The following IL36G variants were observed in gnomAD, a reference collection of about 807,000 sequenced individuals.
The protein encoded by IL36G is interleukin-36 gamma.
In IL36G, 10 loss-of-function variants were observed where a neutral mutation model predicts 13.5. The observed-to-expected ratio is 0.74, with a 90% CI of 0.46 to 1.26. The LOEUF is 1.26. Among genes scored for constraint, IL36G ranks in the 50% most tolerant of loss-of-function variants. IL36G has a pLI of 0.00. For synonymous variants in IL36G, 84 were observed against 74.0 expected, an observed-to-expected ratio of 1.13 and a Z score of -0.69; for missense variants, 199 against 203.0, an observed-to-expected ratio of 0.98 and a Z score of 0.12.
At chr2:112,983,051 G>A (rs369450035) in intron 4 of IL36G, among the ~76,000 whole-genome samples, 10 of 152,296 alleles carry the variant, frequency 6.6e-5, no homozygotes, top group African/African-American at 2.4e-4. Context: ...CAGGGAGAAC[G>A]GCTAGAGGGA....
intron 4 of IL36G, among the ~76,000 whole-genome samples, chr2:112,983,214 A>C (rs925790296): frequency 1.3e-5 from 2 of 152,060 alleles, no homozygotes; most frequent in Non-Finnish European, 2.9e-5. Context: ...GTGGGTAGGA[A>C]GTTGAAGGTG....
At chr2:112,979,920 GA>G (rs1186789508) in intron 3 of IL36G, 88 bp from the exon 4 acceptor site, 1 of 1,324,824 alleles carries the variant, frequency 7.5e-7, no homozygotes, top group Non-Finnish European at 1.1e-6. Context: ...CTCTCTTCCA[GA>G]TCCACTTGAG....
intron 1 of IL36G, among the ~76,000 whole-genome samples, chr2:112,978,283 T>C (rs556436053): frequency 2.8e-4 from 43 of 152,218 alleles, no homozygotes; most frequent in Middle Eastern, 3.4e-3. Flanking sequence ...GCAAAAACAA[T>C]GCCGATGAAG....
At chr2:112,981,496 T>C (rs903441822) in intron 4 of IL36G, 6 of 571,956 alleles carry the variant, frequency 1.0e-5, no homozygotes, top group South Asian at 4.0e-5. Flanking sequence ...GTGCGGGTTT[T>C]GGTCAGTCTG....
rs747928398 is a variant in IL36G at position 112,984,850 on chromosome 2, T to C, written c.311T>C (p.Ile104Thr). ...GTTCTGACATTTCAGGAGCAGAAGA[T>C]CATGGATCTGTATGGCCAACCCGAG... is the stretch of plus-strand genomic sequence containing the variant. The part of the protein sequence containing the change: ...QPTLQLKEQK[I>T]MDLYGQPEPV... The change falls in exon 5 of 5, where the codon ATC (isoleucine) becomes ACC (threonine). Residue 104 changes from isoleucine to threonine, a missense_variant. Transcript: ENST00000259205. 1.2e-6 allele frequency: 2 copies of C among 1,614,086 alleles called. No individual in the cohort carries two copies. Among genetic ancestry groups the C allele is most frequent in the Admixed American group, 3.3e-5 (2 of 60,002 alleles).
At chr2:112,979,909 G>A in intron 3 of IL36G, 100 bp from the exon 4 acceptor site, 2 of 1,180,322 alleles carry the variant, frequency 1.7e-6, no homozygotes, top group Non-Finnish European at 2.4e-6. Flanking sequence ...ACACTCTTCA[G>A]CTCTCTTCCA....
At position 112,985,388 on chromosome 2, in the gene IL36G, C is replaced by T. The variant is rs887521296; in HGVS notation, c.*339C>T. 1.8e-5 allele frequency: 5 copies of T among 272,486 alleles called. No homozygotes were observed. Among genetic ancestry groups the T allele is most frequent in the African/African-American group, 4.3e-5 (2 of 46,016 alleles). The allele number at this position is 272,486 out of a possible 1,614,324, so 16.9% of individuals were successfully genotyped here. On this transcript the variant is annotated 3_prime_UTR_variant, in exon 5 of 5. Transcript: ENST00000259205. ...GTATGAAGATGCTTCAGAGCTCATG[C>T]GCGTTACCCACGATGGCATGACTAG...
In IL36G at chr2:112,984,906, A is replaced by G; in HGVS notation, c.367A>G (p.Lys123Glu). The change falls in exon 5 of 5, where the codon AAG becomes GAG. Residue 123 changes from lysine to glutamate, a missense_variant. By Grantham distance (56) the Lys-to-Glu change is moderately conservative. Coordinates refer to ENST00000259205, the MANE Select transcript of IL36G (RefSeq NM_019618.4). ...GAAACCCTTCCTTTTCTACCGTGCC[A>G]AGACTGGTAGGACCTCCACCCTTGA... ...PVKPFLFYRA[K>E]TGRTSTLESV... The G allele has an allele frequency of 6.2e-7, 1 of 1,614,102 alleles. No individual in the cohort carries two copies. The highest frequency in any genetic ancestry group is 8.5e-7 in the Non-Finnish European group (1 of 1,180,004).
At chr2:112,982,848 G>T (rs953631964) in intron 4 of IL36G, among the ~76,000 whole-genome samples, 1 of 152,186 alleles carries the variant, frequency 6.6e-6, no homozygotes, top group Non-Finnish European at 1.5e-5. Context: ...TAAGTTTAAA[G>T]GGAGGAATTA....
chr2:112,985,307 T>C lies in IL36G; in HGVS notation c.*258T>C, dbSNP rs1446442018. On this transcript the variant is annotated 3_prime_UTR_variant, in exon 5 of 5. Coordinates refer to ENST00000259205, the MANE Select transcript of IL36G (RefSeq NM_019618.4). ...GGTGCTGTGTAGGCCACAAGGCATC[T>C]GCATGAGTGACTTTAAGACTCAAAG... is the stretch of plus-strand genomic sequence containing the variant. 2.3e-5 allele frequency: 10 copies of C among 443,072 alleles called. No homozygotes were observed. The highest frequency in any genetic ancestry group is 3.7e-5 in the Non-Finnish European group (9 of 244,166). The allele number at this position is 443,072 out of a possible 1,614,324, so 27.4% of individuals were successfully genotyped here.
At chr2:112,983,145 G>A (rs1205381747) in intron 4 of IL36G, among the ~76,000 whole-genome samples, 1 of 151,996 alleles carries the variant, frequency 6.6e-6, no homozygotes, top group African/African-American at 2.4e-5. Context: ...CCATGTGCTG[G>A]GAGCCCATGT....
At chr2:112,978,383 G>A (rs1684201977) in intron 1 of IL36G, among the ~76,000 whole-genome samples, 2 of 152,188 alleles carry the variant, frequency 1.3e-5, no homozygotes, top group East Asian at 1.9e-4. Flanking sequence ...CGAACTCCTA[G>A]GGGAGACACT....
intron 4 of IL36G, among the ~76,000 whole-genome samples, chr2:112,982,452 G>T (rs1204441281): frequency 2.0e-5 from 3 of 152,196 alleles, no homozygotes; most frequent in Non-Finnish European, 4.4e-5. Flanking sequence ...TTGAACAGAG[G>T]AATGGCGTGA....
Position 112,978,603 on chromosome 2 carries a change from T to G in IL36G, c.-19-17T>G, listed in dbSNP as rs1684205175. The G allele has an allele frequency of 6.2e-7, 1 of 1,601,882 alleles. No homozygotes were observed. The highest frequency in any genetic ancestry group is 1.7e-5 in the Admixed American group (1 of 59,994). On this transcript the variant is annotated splice_polypyrimidine_tract_variant and intron_variant, in intron 1 of 4. Coordinates refer to ENST00000259205, the MANE Select transcript of IL36G (RefSeq NM_019618.4). ...AACATCTCTTGTGGTTCATCTGTTC[T>G]ATGTCTGCTTTCACAGGTGCTGAGA...
At chr2:112,981,166 C>T in intron 4 of IL36G, 2 of 1,152,324 alleles carry the variant, frequency 1.7e-6, no homozygotes, top group South Asian at 1.2e-5. Flanking sequence ...ACACACTACA[C>T]TTGGCATCTG....
At chr2:112,981,251 G>T in intron 4 of IL36G, 2 of 1,400,946 alleles carry the variant, frequency 1.4e-6, no homozygotes, top group Non-Finnish European at 1.0e-6. Context: ...CTCCTTGCCA[G>T]CATCAGCTTT....
intron 4 of IL36G, among the ~76,000 whole-genome samples, chr2:112,982,385 G>C (rs1684279604): frequency 6.6e-6 from 1 of 152,216 alleles, no homozygotes; most frequent in African/African-American, 2.4e-5. Context: ...TGAAAGTCTT[G>C]TCCTTTGCAA....
At chr2:112,978,582 T>G in intron 1 of IL36G, 38 bp from the exon 2 acceptor site, 1 of 1,534,394 alleles carries the variant, frequency 6.5e-7, no homozygotes, top group Non-Finnish European at 9.0e-7. Flanking sequence ...CTTGGAAACA[T>G]CTCTTGTGGT....
In IL36G at chr2:112,978,079, G is replaced by A; in HGVS notation, c.-20+1G>A. 1 of 158,140 alleles carries A rather than the reference G, an allele frequency of 6.3e-6. No homozygotes were observed. Among genetic ancestry groups the A allele is most frequent in the Non-Finnish European group, 1.4e-5 (1 of 71,626 alleles). The allele number at this position is 158,140 out of a possible 1,614,324, so 9.8% of individuals were successfully genotyped here. A position where few individuals can be genotyped will look rare whatever the true frequency, so the allele number is the denominator to read the frequency against. On this transcript the variant is annotated splice_donor_variant, in intron 1 of 4. Transcript: ENST00000259205. LOFTEE classifies it low-confidence loss of function (5UTR_SPLICE). ...GTAGATAAAGACCCTTTCTTGCCAG[G>A]TATAGTCAATAGCTGGAAAACCTCT...
Sources: allele counts gnomAD v4.1 joint callset (sites outside exome capture counted in the v4.1 genomes callset), GRCh38; gene constraint gnomAD v4.1.1; transcripts MANE v1.5; gene names NCBI Gene and HGNC (gene_info 2026-07-23, HGNC 2026-07-21).